Variants in ABI1 observed in about 807,000 individuals in gnomAD.
ABI1 encodes the protein Abelson interactor 1.
ABI1 carries 14 observed loss-of-function variants against 54.6 expected under a neutral mutation model. That is an observed-to-expected ratio of 0.26 (90% confidence interval 0.17 to 0.40). The LOEUF (loss-of-function observed/expected upper bound fraction) is 0.40, where lower values mean the gene tolerates loss of function less well. Ranked by LOEUF, ABI1 falls within the 10% of genes least tolerant of loss-of-function variation. ABI1 has a pLI of 1.00. For synonymous variants in ABI1, 194 were observed against 209.3 expected, an observed-to-expected ratio of 0.93 and a Z score of 0.63; for missense variants, 443 against 598.3, an observed-to-expected ratio of 0.74 and a Z score of 2.71.
chr10:26,768,534 G>A (rs1368378927), intron 6 of ABI1, among the ~76,000 whole-genome samples: 20 of 149,514 alleles, frequency 1.3e-4, no homozygotes, highest in Non-Finnish European at 2.5e-4. Context: ...GCAAAACTCC[G>A]TCACAAAAAA....
At chr10:26,858,517 A>C (rs1039779074) in intron 1 of ABI1, among the ~76,000 whole-genome samples, 50 of 95,128 alleles carry the variant, frequency 5.3e-4, no homozygotes, top group East Asian at 1.1e-3. Context: ...ATTATACCCC[A>C]CCCCGCCCCC....
At chr10:26,824,336 G>C (rs546096489) in intron 1 of ABI1, among the ~76,000 whole-genome samples, 134 of 152,248 alleles carry the variant, frequency 8.8e-4, no homozygotes, top group Non-Finnish European at 1.6e-3. Flanking sequence ...ATTACACACA[G>C]ATTTACTTTC....
At chr10:26,841,971 T>C (rs10764655) in intron 1 of ABI1, among the ~76,000 whole-genome samples, 38,841 of 152,030 alleles carry the variant, frequency 0.26, 5,619 homozygotes, top group South Asian at 0.44. Flanking sequence ...CTGGGTCATA[T>C]AGTACTTCTA....
At chr10:26,782,463 G>A (rs1278372755) in intron 2 of ABI1, among the ~76,000 whole-genome samples, 4 of 152,206 alleles carry the variant, frequency 2.6e-5, no homozygotes, top group East Asian at 1.9e-4. Context: ...AGTGGCTCAC[G>A]CCTGTAATCC....
intron 2 of ABI1, among the ~76,000 whole-genome samples, chr10:26,804,188 G>GC (rs1056246737): frequency 2.0e-5 from 3 of 151,956 alleles, no homozygotes; most frequent in Non-Finnish European, 4.4e-5. Flanking sequence ...TTTGAGACCA[G>GC]CTTGGCCAAC....
Position 26,768,930 on chromosome 10 carries a change from A to G in ABI1, c.641T>C (p.Met214Thr). 6.2e-7 allele frequency: 1 copy of G among 1,613,426 alleles called. No individual in the cohort carries two copies. ...VKPPTVPNDYMTSPARLGSQH... is the reference protein window; with the variant it reads ...VKPPTVPNDYTTSPARLGSQH... ...ACTTCCAAGCCTAGCAGGACTGGTCATATAGTCATTAGGAACTGTTGGGGG... is the reference window on the plus strand; with the variant it reads ...ACTTCCAAGCCTAGCAGGACTGGTCGTATAGTCATTAGGAACTGTTGGGGG... Residue 214 changes from methionine to threonine, a missense_variant, in exon 6 of 11, where the codon ATG becomes ACG. Met to Thr is a moderately conservative substitution (Grantham distance 81, BLOSUM62 -1). This residue lies in a region of ABI1 where 394 missense variants were observed against 484.8 expected (regional missense o/e 0.81). Transcript: ENST00000376140.
intron 2 of ABI1, among the ~76,000 whole-genome samples, chr10:26,822,914 T>A (rs1439794313): frequency 6.6e-6 from 1 of 152,196 alleles, no homozygotes; most frequent in Non-Finnish European, 1.5e-5. Flanking sequence ...TGCTACTGAA[T>A]TATACACTTA....
At chr10:26,850,571 T>C (rs10764657) in intron 1 of ABI1, among the ~76,000 whole-genome samples, 38,919 of 151,536 alleles carry the variant, frequency 0.26, 5,694 homozygotes, top group South Asian at 0.44. Flanking sequence ...GGCAGGAGAA[T>C]TGCCTGAACC....
intron 7 of ABI1, among the ~76,000 whole-genome samples, chr10:26,760,174 T>C (rs1476277423): frequency 6.6e-6 from 1 of 152,130 alleles, no homozygotes; most frequent in Admixed American, 6.5e-5. Flanking sequence ...GTATTAAGTG[T>C]CATCTTTCCC....
chr10:26,833,318 A>T (rs2048808508), intron 1 of ABI1, among the ~76,000 whole-genome samples: 1 of 152,210 alleles, frequency 6.6e-6, no homozygotes, highest in South Asian at 2.1e-4. Context: ...AATATTTTTA[A>T]GCCTTTTCGA....
chr10:26,759,603 G>C (rs1838844687), intron 7 of ABI1, among the ~76,000 whole-genome samples: 1 of 152,022 alleles, frequency 6.6e-6, no homozygotes, highest in Non-Finnish European at 1.5e-5. Context: ...ACCAAAAGAT[G>C]GTGTGAGGTA....
chr10:26,791,068 CAAAAAAAAAAAAA>C (rs369738380), intron 2 of ABI1, among the ~76,000 whole-genome samples: 68 of 59,154 alleles, frequency 1.1e-3, no homozygotes, highest in African/African-American at 3.8e-3. Context: ...GATTCCGTCT[CAAAAAAAAAAAAA>C]AAAAAAAAAA....
rs1237592201 is a variant in ABI1, at chr10:26,860,727, C to T, written c.117+20G>A. 1.3e-6 allele frequency: 2 copies of T among 1,599,302 alleles called. No individual in the cohort carries two copies. The highest frequency in any genetic ancestry group is 2.2e-5 in the East Asian group (1 of 44,796). ...GGTCCTCGACCCGGCCAGCGCCCGC[C>T]GGCCGCCAGAGCGCCTCACCTGTAT... is the stretch of plus-strand genomic sequence containing the variant. On this transcript the variant is annotated intron_variant, in intron 1 of 10. Transcript: ENST00000376140. The surrounding 1 kb of genome is among the most constrained non-coding windows in gnomAD (Gnocchi z 4.1).
At chr10:26,817,499 C>T (rs1391949281) in intron 2 of ABI1, among the ~76,000 whole-genome samples, 2 of 152,058 alleles carry the variant, frequency 1.3e-5, no homozygotes, top group African/African-American at 4.8e-5. Context: ...AAGCTGGGCA[C>T]AATGGCACAT....
intron 1 of ABI1, among the ~76,000 whole-genome samples, chr10:26,844,519 TCCTCTTC>T (rs374267734): frequency 6.6e-6 from 1 of 152,218 alleles, no homozygotes; most frequent in Non-Finnish European, 1.5e-5. Flanking sequence ...CCCTTTCCTC[TCCTCTTC>T]CCTCTTCCCT....
chr10:26,804,708 G>T (rs1486508070), intron 2 of ABI1, among the ~76,000 whole-genome samples: 3 of 152,090 alleles, frequency 2.0e-5, no homozygotes, highest in Non-Finnish European at 4.4e-5. Flanking sequence ...TCCAAATTCT[G>T]CATATGAGAT....
intron 5 of ABI1, among the ~76,000 whole-genome samples, chr10:26,769,716 T>C (rs1840417217): frequency 1.3e-5 from 2 of 152,318 alleles, no homozygotes; most frequent in South Asian, 4.1e-4. Flanking sequence ...CAACTGGCCT[T>C]CCCATGGAGC....
At chr10:26,794,844 TTAG>T (rs965921065) in intron 2 of ABI1, among the ~76,000 whole-genome samples, 1 of 152,050 alleles carries the variant, frequency 6.6e-6, no homozygotes, top group African/African-American at 2.4e-5. Context: ...ATCTTAGACA[TTAG>T]AAGTTGTTAC....
intron 2 of ABI1, among the ~76,000 whole-genome samples, chr10:26,793,729 T>C (rs1843758145): frequency 6.6e-6 from 1 of 152,240 alleles, no homozygotes; most frequent in South Asian, 2.1e-4. Context: ...AAGCTAAATA[T>C]GAGCTTTTAA....
Sources: gnomAD v4.1 joint callset for allele counts (sites outside exome capture counted in the v4.1 genomes callset) on GRCh38, gnomAD v4.1.1 for gene constraint, gnomAD v4.1.1 regional missense constraint, Gnocchi (gnomAD v3.1) non-coding constraint, MANE v1.5 for transcripts, NCBI Gene and HGNC (gene_info 2026-07-23, HGNC 2026-07-21) for gene names.